Variants in DST observed in about 807,000 individuals in gnomAD.
DST encodes the protein bullous pemphigoid antigen.
In DST, 253 loss-of-function variants were observed where a neutral mutation model predicts 875.2. The observed-to-expected ratio is 0.29, with a 90% CI of 0.26 to 0.32. DST has a LOEUF of 0.32. Among genes scored for constraint, DST ranks in the 10% least tolerant of loss-of-function variants. DST has a pLI of 1.00. For synonymous variants in DST, 3,124 were observed against 3,197.1 expected, an observed-to-expected ratio of 0.98 and a Z score of 0.77; for missense variants, 8,287 against 9,111.6, an observed-to-expected ratio of 0.91 and a Z score of 3.68.
At chr6:56,872,261 C>A (rs1777548205) in intron 3 of DST, among the ~76,000 whole-genome samples, 1 of 152,112 alleles carries the variant, frequency 6.6e-6, no homozygotes, top group Non-Finnish European at 1.5e-5. Context: ...ATTAGCAATA[C>A]TATTAGCAAT....
chr6:56,742,176 G>T, intron 4 of DST: 1 of 730,688 alleles, frequency 1.4e-6, no homozygotes, highest in Non-Finnish European at 2.1e-6. Context: ...CCGACAATCA[G>T]CTGAACTATC....
intron 88 of DST, chr6:56,483,725 ATG>A (rs1206182205): frequency 4.0e-5 from 6 of 151,850 alleles, no homozygotes; most frequent in Admixed American, 6.6e-5. Context: ...AATAAAATTA[ATG>A]TGTTTTTAAA....
chr6:56,625,992 C>CAAA (rs202184328), intron 34 of DST, among the ~76,000 whole-genome samples: 7 of 141,854 alleles, frequency 4.9e-5, no homozygotes, highest in Admixed American at 1.4e-4. Flanking sequence ...AAAAAAAAAC[C>CAAA]AAAAATTAAA....
In DST at chr6:56,593,805, G is replaced by C; in HGVS notation, c.12584C>G (p.Thr4195Arg). 6.2e-7 allele frequency: 1 copy of C among 1,613,926 alleles called. No homozygotes were observed. The highest frequency in any genetic ancestry group is 8.5e-7 in the Non-Finnish European group (1 of 1,179,884). The change falls in exon 48 of 104, where the codon ACA becomes AGA. Residue 4195 changes from threonine to arginine, a missense_variant. Coordinates refer to ENST00000680361, the MANE Select transcript of DST (RefSeq NM_001374736.1). Reference protein sequence around the residue: ...ISHKGDLRYITISGNRVLEAA... With the variant: ...ISHKGDLRYIRISGNRVLEAA... ...TTCCAACACTCTGTTTCCAGAAATT[G>C]TGATGTATCTCAAGTCACCTTTGTG...
At chr6:56,538,583 G>A (rs1260372024) in intron 61 of DST, among the ~76,000 whole-genome samples, 1 of 152,114 alleles carries the variant, frequency 6.6e-6, no homozygotes, top group East Asian at 1.9e-4. Context: ...CCAGACTCTG[G>A]TCTAAGGCCT....
intron 9 of DST, among the ~76,000 whole-genome samples, chr6:56,677,136 TA>T (rs1424018962): frequency 3.3e-5 from 5 of 152,166 alleles, no homozygotes; most frequent in Admixed American, 1.3e-4. Flanking sequence ...TTTGTCAATT[TA>T]AAAAAACTTA....
chr6:56,899,703 G>T (rs1041133595), intron 3 of DST, among the ~76,000 whole-genome samples: 5 of 152,112 alleles, frequency 3.3e-5, no homozygotes, highest in African/African-American at 1.2e-4. Flanking sequence ...CATTTTCTAA[G>T]CCCCAGCCTT....
In DST at chr6:56,573,087, T is replaced by A. The variant is rs749359196; in HGVS notation, c.13237-23A>T. 4.1e-6 allele frequency: 6 copies of A among 1,473,506 alleles called. No individual in the cohort carries two copies. In the East Asian group the frequency reaches 1.4e-4, roughly 35 times the overall value. 91.3% of individuals were successfully genotyped at this position (1,473,506 alleles called of 1,614,324 possible). A position where few individuals can be genotyped will look rare whatever the true frequency, so the allele number is the denominator to read the frequency against. On this transcript the variant is annotated intron_variant, in intron 51 of 103. Coordinates refer to ENST00000680361, the MANE Select transcript of DST (RefSeq NM_001374736.1). ...CATCTAAAATAAACCAAATATTGCA[T>A]ATCTTTTATTATGATGCTTATAAAT... is the stretch of plus-strand genomic sequence containing the variant.
intron 5 of DST, among the ~76,000 whole-genome samples, chr6:56,734,828 T>C (rs1333523255): frequency 1.3e-5 from 2 of 152,174 alleles, no homozygotes; most frequent in Non-Finnish European, 2.9e-5. Flanking sequence ...TATTCTCATC[T>C]AACCTTCTGC....
intron 5 of DST, among the ~76,000 whole-genome samples, chr6:56,709,480 TTA>T (rs538767749): frequency 1.1e-3 from 164 of 152,340 alleles, no homozygotes; most frequent in Non-Finnish European, 5.9e-4. Flanking sequence ...AAGAGAATCA[TTA>T]TATAACTGCT....
chr6:56,467,717 A>G (rs1351346537), intron 98 of DST, among the ~76,000 whole-genome samples: 1 of 152,180 alleles, frequency 6.6e-6, no homozygotes, highest in Non-Finnish European at 1.5e-5. Flanking sequence ...TTCAAGTGTA[A>G]TGAATACAAA....
At chr6:56,646,238 A>ATC (rs2152789229) in intron 13 of DST, 56 bp from the exon 14 acceptor site, 2 of 1,009,116 alleles carry the variant, frequency 2.0e-6, no homozygotes, top group South Asian at 3.3e-5. Context: ...TGTTTTCATG[A>ATC]TCTCACTAAG....
intron 4 of DST, among the ~76,000 whole-genome samples, chr6:56,769,209 A>C (rs142167489): frequency 6.6e-6 from 1 of 152,336 alleles, no homozygotes; most frequent in Non-Finnish European, 1.5e-5. Flanking sequence ...TCAACACCAT[A>C]TTAGAGAATT....
intron 5 of DST, among the ~76,000 whole-genome samples, chr6:56,733,977 C>A (rs189813811): frequency 6.6e-6 from 1 of 152,188 alleles, no homozygotes; most frequent in Non-Finnish European, 1.5e-5. Context: ...GGGAACACGT[C>A]CCTAGCCTGA....
chr6:56,836,664 C>T lies in DST; in HGVS notation c.625+14733G>A, dbSNP rs557357648. Among the ~76,000 whole-genome samples the T allele has an allele frequency of 5.4e-4, 82 of 151,654 alleles. 4 individuals are homozygous for T. In the South Asian group the frequency reaches 0.017, roughly 32 times the overall value. ...AGGAGATCGAGACCATCCTGGCTAACACGGTGAAACCCCGTCTCTACTAAA... is the reference window on the plus strand; with the variant it reads ...AGGAGATCGAGACCATCCTGGCTAATACGGTGAAACCCCGTCTCTACTAAA... On this transcript the variant is annotated intron_variant, in intron 4 of 103. Coordinates refer to ENST00000680361, the MANE Select transcript of DST (RefSeq NM_001374736.1).
intron 5 of DST, among the ~76,000 whole-genome samples, chr6:56,720,938 G>A (rs1355584299): frequency 6.6e-6 from 1 of 152,114 alleles, no homozygotes; most frequent in African/African-American, 2.4e-5. Context: ...GCCAGGCAGA[G>A]GGGCCCCCCA....
intron 10 of DST, among the ~76,000 whole-genome samples, chr6:56,670,121 C>A (rs988984903): frequency 7.3e-6 from 1 of 136,326 alleles, no homozygotes; most frequent in Non-Finnish European, 1.6e-5. Context: ...GCTGTGTGTG[C>A]GAGCGCCCGT....
intron 80 of DST, among the ~76,000 whole-genome samples, chr6:56,498,871 T>C (rs1044474357): frequency 3.9e-5 from 6 of 152,128 alleles, no homozygotes; most frequent in African/African-American, 1.2e-4. Flanking sequence ...CAGTTGTTCT[T>C]CAAGTAGAAA....
rs751358190 is a variant in DST, at chr6:56,634,835, G to A, written c.3305C>T (p.Pro1102Leu). Residue 1102 changes from proline (P) to leucine (L), a missense_variant, in exon 25 of 104, where the codon CCG (proline) becomes CTG (leucine). Coordinates refer to ENST00000680361, the MANE Select transcript of DST (RefSeq NM_001374736.1). ...TCTGTAGTCACAGATAGCTTTGATCGGAATAGAAGTTTTGAGTGGACAGTC... is the reference window on the plus strand; with the variant it reads ...TCTGTAGTCACAGATAGCTTTGATCAGAATAGAAGTTTTGAGTGGACAGTC... ...NSDCPLKTSI[P>L]IKAICDYRQI... The A allele has an allele frequency of 2.0e-5, 33 of 1,613,850 alleles. No homozygotes were observed. The South Asian group carries it at 2.1e-4, about 10-fold the overall frequency.
Sources: gnomAD v4.1 joint callset for allele counts (sites outside exome capture counted in the v4.1 genomes callset) on GRCh38, gnomAD v4.1.1 for gene constraint, MANE v1.5 for transcripts, NCBI Gene and HGNC (gene_info 2026-07-23, HGNC 2026-07-21) for gene names.